PRKCH: variants seen among roughly 807,000 people sequenced by gnomAD.
PRKCH encodes protein kinase C eta type.
PRKCH carries 28 observed loss-of-function variants against 82.5 expected under a neutral mutation model. The ratio of observed to expected loss-of-function variants is 0.34; its 90% CI spans 0.25 to 0.47. The LOEUF (loss-of-function observed/expected upper bound fraction) is 0.47. Ranked by LOEUF, PRKCH falls within the 20% of genes least tolerant of loss-of-function variation. The pLI, the probability that PRKCH is intolerant of heterozygous loss-of-function variation, is 1.00. For missense variants in PRKCH, 705 were observed against 881.8 expected, an observed-to-expected ratio of 0.80 and a Z score of 2.54; for synonymous variants, 322 against 327.4, an observed-to-expected ratio of 0.98 and a Z score of 0.18.
intron 1 of PRKCH, among the ~76,000 whole-genome samples, chr14:61,311,771 A>G (rs955703584): frequency 6.6e-5 from 10 of 152,232 alleles, no homozygotes; most frequent in African/African-American, 2.4e-4. Context: ...AAGTAATTGT[A>G]GTTTTTGTAA....
intron 1 of PRKCH, among the ~76,000 whole-genome samples, chr14:61,215,151 G>A (rs1453355982): frequency 2.0e-5 from 3 of 152,166 alleles, no homozygotes; most frequent in African/African-American, 7.2e-5. Flanking sequence ...CTAGGCTGTG[G>A]TGCCAAGTTC....
chr14:61,272,611 C>T (rs1026081052), intron 1 of PRKCH, among the ~76,000 whole-genome samples: 2 of 151,954 alleles, frequency 1.3e-5, no homozygotes, highest in African/African-American at 4.8e-5. Flanking sequence ...CTGCCTCGGC[C>T]TCCCAAAGTG....
At chr14:61,244,150 C>G (rs374449459) in intron 1 of PRKCH, among the ~76,000 whole-genome samples, 1 of 151,962 alleles carries the variant, frequency 6.6e-6, no homozygotes, top group African/African-American at 2.4e-5. Flanking sequence ...GGCATGAGAC[C>G]GCCACATGAG....
chr14:61,453,275 CTG>C lies in PRKCH; in HGVS notation c.885_886del (p.Cys295TrpfsTer50), dbSNP rs1472013100. ...GATGTCAAGCGAACGTGGCCCCTAACTGTGGGGTAAATGCGGTGGAACTTGCC... is the reference window on the plus strand; with the variant it reads ...GATGTCAAGCGAACGTGGCCCCTAACTGGGGTAAATGCGGTGGAACTTGCC... Reference protein sequence around the residue: ...IRCQANVAPNCGVNAVELAKT... With the variant: ...IRCQANVAPNXGVNAVELAKT... On this transcript the variant is annotated frameshift_variant, in exon 7 of 14. Transcript: ENST00000332981. LOFTEE classifies it high-confidence loss of function. 6.2e-7 allele frequency: 1 copy of C among 1,614,054 alleles called. No individual in the cohort carries two copies. The highest frequency in any genetic ancestry group is 8.5e-7 in the Non-Finnish European group (1 of 1,180,040).
chr14:61,242,151 G>A (rs1318002059), intron 1 of PRKCH, among the ~76,000 whole-genome samples: 1 of 152,162 alleles, frequency 6.6e-6, no homozygotes, highest in Non-Finnish European at 1.5e-5. Context: ...AAAGAGTCTA[G>A]ATAAATACTC....
chr14:61,227,780 T>C (rs2044709108), intron 1 of PRKCH, among the ~76,000 whole-genome samples: 1 of 152,066 alleles, frequency 6.6e-6, no homozygotes, highest in Admixed American at 6.5e-5. Flanking sequence ...AGTAAGTGCT[T>C]GATAAATATG....
At chr14:61,389,251 G>A (rs1007650160) in intron 1 of PRKCH, among the ~76,000 whole-genome samples, 1 of 152,086 alleles carries the variant, frequency 6.6e-6, no homozygotes, top group African/African-American at 2.4e-5. Flanking sequence ...TTGGGGGGCT[G>A]AGGCAGGAAA....
chr14:61,478,898 A>G (rs2140321277), intron 9 of PRKCH, among the ~76,000 whole-genome samples: 1 of 152,286 alleles, frequency 6.6e-6, no homozygotes, highest in East Asian at 1.9e-4. Flanking sequence ...TTTAGCTGAA[A>G]TTCTCCTGGT....
rs528350659 is a variant in PRKCH, at chr14:61,447,856, C to T, written c.614-1308C>T. 4.6e-5 allele frequency among the ~76,000 whole-genome samples: 7 copies of T among 152,168 alleles called. No individual in the cohort carries two copies. The East Asian group carries it at 1.2e-3, about 25-fold the overall frequency. On this transcript the variant is annotated intron_variant, in intron 4 of 13. Transcript: ENST00000332981. ...AGTAGGAAAGTAGAAAGATCTAAAA[C>T]CAAGATTCGAAATTTCCACCTTAGG...
Position 61,254,170 on chromosome 14 carries a change from A to G in PRKCH, c.-19+66502A>G, listed in dbSNP as rs56163385. Among the ~76,000 whole-genome samples, 222 of 152,226 alleles carry G rather than the reference A, an allele frequency of 1.5e-3. 1 individual carries two copies. Among genetic ancestry groups the G allele is most frequent in the Non-Finnish European group, 2.0e-3 (133 of 68,014 alleles). On this transcript the variant is annotated intron_variant, in intron 1 of 3. Coordinates refer to the PRKCH transcript ENST00000555185. ...CTCTCATGTTTTATCATTTGGATATAGATCAGTGATTCTAAAAGCTGTTTG... is the reference window on the plus strand; with the variant it reads ...CTCTCATGTTTTATCATTTGGATATGGATCAGTGATTCTAAAAGCTGTTTG...
At chr14:61,256,632 G>A (rs1037462992) in intron 1 of PRKCH, among the ~76,000 whole-genome samples, 1 of 152,148 alleles carries the variant, frequency 6.6e-6, no homozygotes, top group Non-Finnish European at 1.5e-5. Flanking sequence ...TTGTTTTATT[G>A]AGATGTAAAA....
chr14:61,311,413 G>A (rs1044312571), intron 1 of PRKCH, among the ~76,000 whole-genome samples: 1 of 152,138 alleles, frequency 6.6e-6, no homozygotes, highest in Admixed American at 6.5e-5. Flanking sequence ...ATCTCCATCT[G>A]AGACCACCTC....
At chr14:61,416,265 G>C (rs1882556625) in intron 2 of PRKCH, among the ~76,000 whole-genome samples, 1 of 151,766 alleles carries the variant, frequency 6.6e-6, no homozygotes, top group African/African-American at 2.4e-5. Context: ...TATTTGCCCA[G>C]GCTAGTCTTG....
intron 1 of PRKCH, among the ~76,000 whole-genome samples, chr14:61,206,022 T>C (rs893812283): frequency 1.3e-5 from 2 of 152,062 alleles, no homozygotes; most frequent in Non-Finnish European, 2.9e-5. Context: ...TACCAAACAA[T>C]GACACCATGG....
intron 1 of PRKCH, among the ~76,000 whole-genome samples, chr14:61,219,505 T>C (rs1037510025): frequency 1.8e-4 from 28 of 152,316 alleles, no homozygotes; most frequent in African/African-American, 6.3e-4. Context: ...TTCTGTCACT[T>C]TGACCAGGTG....
intron 10 of PRKCH, 146 bp from the exon 11 acceptor site, chr14:61,528,929 T>C: frequency 2.7e-6 from 2 of 739,498 alleles, no homozygotes; most frequent in Non-Finnish European, 4.0e-6. Flanking sequence ...GTTTGTTCCT[T>C]TTGACGTGTG....
chr14:61,311,669 G>A (rs2045524921), intron 1 of PRKCH, among the ~76,000 whole-genome samples: 1 of 152,216 alleles, frequency 6.6e-6, no homozygotes, highest in Admixed American at 6.5e-5. Context: ...AGAACTGCCT[G>A]ACACTGGGTA....
chr14:61,244,307 G>T (rs532511918), intron 1 of PRKCH, among the ~76,000 whole-genome samples: 1 of 152,250 alleles, frequency 6.6e-6, no homozygotes, highest in Non-Finnish European at 1.5e-5. Context: ...GTGCAAAGCT[G>T]GGTCACTGTC....
upstream of PRKCH, among the ~76,000 whole-genome samples, chr14:61,317,548 A>G (rs1172508879): frequency 6.6e-6 from 1 of 152,208 alleles, no homozygotes; most frequent in South Asian, 2.1e-4. Flanking sequence ...TGCTGGGACT[A>G]CAGGCGTGAG....
Sources: allele counts gnomAD v4.1 joint callset (sites outside exome capture counted in the v4.1 genomes callset), GRCh38; gene constraint gnomAD v4.1.1; transcripts MANE v1.5; gene names NCBI Gene and HGNC (gene_info 2026-07-23, HGNC 2026-07-21).